Variants in TUT7 observed in about 807,000 individuals in gnomAD.
The protein encoded by TUT7 is terminal uridylyl transferase 7, also known as terminal uridylyltransferase 7.
Under a neutral mutation model 165.9 loss-of-function variants are expected in TUT7, and 33 were observed. That is an observed-to-expected ratio of 0.20 (90% confidence interval 0.15 to 0.27). The LOEUF (loss-of-function observed/expected upper bound fraction) is 0.27. Among genes scored for constraint, TUT7 ranks in the 10% least tolerant of loss-of-function variants. The pLI is 1.00. For synonymous variants in TUT7, 552 were observed against 608.1 expected (o/e 0.91, Z 1.36); for missense variants, 1,338 against 1,762.3 (o/e 0.76, Z 4.31).
chr9:86,316,882 CAACT>C lies in TUT7; in HGVS notation c.3274+333_3274+336del, dbSNP rs149748125. 1.9e-3 allele frequency among the ~76,000 whole-genome samples: 291 copies of C among 151,754 alleles called. 5 individuals are homozygous for C. The East Asian group carries it at 0.05, about 26-fold the overall frequency. ...ACCAAAAATATTTAAGAGAAAAAAG[CAACT>C]AATAAAAAACTAACGATACAACAAT... is the stretch of plus-strand genomic sequence containing the variant. On this transcript the variant is annotated intron_variant, in intron 17 of 26. Transcript: ENST00000375963.
At chr9:86,350,210 A>G (rs1439419912) in intron 2 of TUT7, among the ~76,000 whole-genome samples, 1 of 152,200 alleles carries the variant, frequency 6.6e-6, no homozygotes, top group Admixed American at 6.5e-5. Flanking sequence ...ACGTGCCTGT[A>G]GTCCCAGCCA....
chr9:86,313,885 G>A (rs1828464896), intron 17 of TUT7, among the ~76,000 whole-genome samples: 1 of 152,142 alleles, frequency 6.6e-6, no homozygotes, highest in African/African-American at 2.4e-5. Context: ...TAGAACACAG[G>A]AGAAAATAAG....
At chr9:86,324,067 G>A (rs1829571340) in intron 12 of TUT7, 107 bp from the exon 13 acceptor site, 4 of 1,033,010 alleles carry the variant, frequency 3.9e-6, no homozygotes, top group Non-Finnish European at 5.2e-6. Context: ...ACAAACAATG[G>A]TAAAATTTAT....
intron 21 of TUT7, among the ~76,000 whole-genome samples, chr9:86,308,857 A>T (rs1029710810): frequency 1.3e-5 from 2 of 152,226 alleles, no homozygotes; most frequent in Admixed American, 1.3e-4. Flanking sequence ...ATCCAGAAAT[A>T]GATTCTAAGA....
intron 26 of TUT7, among the ~76,000 whole-genome samples, chr9:86,294,303 A>G: frequency 6.6e-6 from 1 of 150,608 alleles, no homozygotes; most frequent in East Asian, 1.9e-4. Context: ...AAACCCAGAG[A>G]AGAGGAGAGG....
intron 17 of TUT7, among the ~76,000 whole-genome samples, chr9:86,313,241 G>A (rs575320608): frequency 6.6e-6 from 1 of 152,234 alleles, no homozygotes; most frequent in Admixed American, 6.5e-5. Flanking sequence ...ACCACATCTA[G>A]TTAGACAATA....
intron 22 of TUT7, among the ~76,000 whole-genome samples, chr9:86,308,136 C>G (rs7872520): frequency 6.6e-6 from 1 of 152,116 alleles, no homozygotes; most frequent in Admixed American, 6.5e-5. Context: ...TTCAAACCCC[C>G]CAACAGGAAG....
intron 17 of TUT7, among the ~76,000 whole-genome samples, chr9:86,315,003 C>T (rs912755313): frequency 6.6e-6 from 1 of 152,242 alleles, no homozygotes. Flanking sequence ...CTCTTTCCCA[C>T]ATTCTCTCTT....
At chr9:86,319,094 C>T (rs1828995408) in intron 15 of TUT7, 36 bp from the exon 16 acceptor site, 1 of 1,451,794 alleles carries the variant, frequency 6.9e-7, no homozygotes, top group Admixed American at 1.9e-5. Context: ...AACTAATTAC[C>T]TGAGTACATT....
At chr9:86,289,530 T>C (rs1231974410) in intron 26 of TUT7, among the ~76,000 whole-genome samples, 1 of 148,482 alleles carries the variant, frequency 6.7e-6, no homozygotes, top group Middle Eastern at 3.2e-3. Flanking sequence ...CAGAATTAAA[T>C]GTAACTATAA....
At chr9:86,334,418 T>G (rs1040622080) in intron 10 of TUT7, among the ~76,000 whole-genome samples, 4 of 152,122 alleles carry the variant, frequency 2.6e-5, no homozygotes, top group African/African-American at 9.7e-5. Flanking sequence ...TTGTCCAAAC[T>G]GAGCCTTCGG....
At chr9:86,346,271 C>A in intron 3 of TUT7, 28 bp downstream of exon 3, 1 of 1,592,156 alleles carries the variant, frequency 6.3e-7, no homozygotes, top group Middle Eastern at 1.7e-4. Context: ...AGGATTCTAA[C>A]CAACAAATAT....
intron 23 of TUT7, 67 bp from the exon 24 acceptor site, chr9:86,305,014 A>G: frequency 1.5e-6 from 2 of 1,306,068 alleles, no homozygotes; most frequent in Non-Finnish European, 2.2e-6. Context: ...ACAAATGACA[A>G]ACTACCTGGG....
intron 16 of TUT7, 77 bp downstream of exon 16, chr9:86,318,881 T>C: frequency 8.5e-7 from 1 of 1,179,244 alleles, no homozygotes; most frequent in Non-Finnish European, 1.2e-6. Context: ...ATTTGGAAAA[T>C]ACCAAGCTGT....
At chr9:86,304,185 A>G (rs1337483269) in intron 24 of TUT7, among the ~76,000 whole-genome samples, 2 of 152,216 alleles carry the variant, frequency 1.3e-5, no homozygotes, top group Non-Finnish European at 2.9e-5. Context: ...ATCATTCCAT[A>G]TACATGTATC....
Position 86,323,209 on chromosome 9 carries a change from CTCT to C in TUT7, c.2538_2540del (p.Glu849del). 4 of 1,614,122 alleles carry C rather than the reference CTCT, an allele frequency of 2.5e-6. No homozygotes were observed. The highest frequency in any genetic ancestry group is 3.4e-6 in the Non-Finnish European group (4 of 1,180,014). ...CCTCCTCTTCTTCGTCGTCCTCCTC[CTCT>C]TCATCAGAGGGAATCATTTCTGATG... On this transcript the variant is annotated inframe_deletion, in exon 13 of 27. Coordinates refer to ENST00000375963, the MANE Select transcript of TUT7 (RefSeq NM_024617.4).
At chr9:86,316,010 T>TA (rs760368451) in intron 17 of TUT7, among the ~76,000 whole-genome samples, 2 of 152,188 alleles carry the variant, frequency 1.3e-5, no homozygotes, top group East Asian at 3.8e-4. Context: ...TGCTGTGACT[T>TA]AAAGTCTGTT....
intron 17 of TUT7, among the ~76,000 whole-genome samples, chr9:86,312,422 G>A (rs1426827372): frequency 1.3e-5 from 2 of 151,728 alleles, no homozygotes; most frequent in African/African-American, 2.4e-5. Context: ...CCCTCCGCCC[G>A]GCAGCCACCC....
At chr9:86,335,203 C>T (rs1020196056) in intron 10 of TUT7, among the ~76,000 whole-genome samples, 1 of 152,148 alleles carries the variant, frequency 6.6e-6, no homozygotes, top group Non-Finnish European at 1.5e-5. Context: ...ATAACTTGCT[C>T]AAGGTCACAA....
Sources: gnomAD v4.1 joint callset for allele counts (sites outside exome capture counted in the v4.1 genomes callset) on GRCh38, gnomAD v4.1.1 for gene constraint, MANE v1.5 for transcripts, NCBI Gene and HGNC (gene_info 2026-07-23, HGNC 2026-07-21) for gene names.